RMDN3: variants seen among roughly 807,000 people sequenced by gnomAD.
The protein encoded by RMDN3 is regulator of microtubule dynamics protein 3.
A neutral mutation model predicts 61.8 loss-of-function variants in RMDN3; 41 were observed. That is an observed-to-expected ratio of 0.66 (90% CI 0.52 to 0.86). RMDN3 has a LOEUF of 0.86. Ranked by LOEUF, RMDN3 falls within the 40% of genes least tolerant of loss-of-function variation. The probability of loss-of-function intolerance (pLI) is 0.00; values close to 1 mark genes in which losing one functional copy is unlikely to be tolerated. For missense variants in RMDN3, 557 were observed against 585.3 expected, an observed-to-expected ratio of 0.95 and a Z score of 0.50; for synonymous variants, 247 against 232.0, an observed-to-expected ratio of 1.06 and a Z score of -0.59.
At chr15:40,743,414 G>GT (rs200197164) in intron 6 of RMDN3, among the ~76,000 whole-genome samples, 1 of 88,648 alleles carries the variant, frequency 1.1e-5, no homozygotes, top group African/African-American at 5.0e-5. Context: ...GAGAAAGACT[G>GT]TTTAAAAAAA....
intron 7 of RMDN3, 126 bp from the exon 8 acceptor site, chr15:40,738,702 C>G: frequency 1.2e-6 from 1 of 854,106 alleles, no homozygotes. Flanking sequence ...CTGAAAATAC[C>G]TAATTTTCAT....
At chr15:40,753,533 A>AAAAAG (rs1238942659) in intron 2 of RMDN3, among the ~76,000 whole-genome samples, 1 of 149,300 alleles carries the variant, frequency 6.7e-6, no homozygotes, top group South Asian at 2.1e-4. Context: ...AAAGAAAAGA[A>AAAAAG]AAAAGAAAAG....
intron 3 of RMDN3, 83 bp downstream of exon 3, chr15:40,751,903 G>A: frequency 7.0e-7 from 1 of 1,422,626 alleles, no homozygotes; most frequent in East Asian, 2.3e-5. Flanking sequence ...ATTCTTTAGA[G>A]ACAGACAGCG....
intron 7 of RMDN3, 50 bp downstream of exon 7, chr15:40,740,083 C>G: frequency 8.0e-7 from 1 of 1,257,774 alleles, no homozygotes; most frequent in Non-Finnish European, 1.2e-6. Flanking sequence ...GGGCTGTCCT[C>G]TGCTTTGGCC....
chr15:40,745,106 G>C lies in RMDN3; in HGVS notation c.678C>G (p.Ala226=), dbSNP rs751047815. Residue 226 remains alanine (A), a synonymous_variant, in exon 5 of 13, where the codon GCC becomes GCG. Transcript: ENST00000338376. ...EEEAASGASS[A]LEAGGSSGLE... is the part of the protein sequence containing the mutation. ...AGCCTGAGGAACCTCCAGCCTCCAG[G>C]GCACTGGAGGCACCTGAAGCTGCCT... 1.1e-5 allele frequency: 18 copies of C among 1,613,834 alleles called. No individual in the cohort carries two copies. The African/African-American group carries it at 1.5e-4, about 13-fold the overall frequency.
rs1251101235 is a variant in RMDN3, at chr15:40,738,474, A to C, written c.1047+27T>G. ...TGGGGAATCTGGGATAGGCCAGCAC[A>C]AGGAAGGAGGAAAAGCCTGTCCTCA... On this transcript the variant is annotated intron_variant, in intron 8 of 12. Coordinates refer to ENST00000338376, the MANE Select transcript of RMDN3 (RefSeq NM_018145.3). The C allele has an allele frequency of 1.9e-6, 3 of 1,612,220 alleles. No homozygotes were observed. In the African/African-American group the frequency reaches 4.0e-5, roughly 22 times the overall value.
At position 40,736,305 on chromosome 15, in the gene RMDN3, TAA is replaced by T. The variant is rs1163134589; in HGVS notation, c.*234_*235del. On this transcript the variant is annotated 3_prime_UTR_variant, in exon 13 of 13. Transcript: ENST00000338376. Reference sequence around the variant, plus strand: ...GGGCAGGTGTGAATCTTGATTTTTTTAAGAGATTACTCAAGGGAGAGAACAAC... The same window carrying T: ...GGGCAGGTGTGAATCTTGATTTTTTTGAGATTACTCAAGGGAGAGAACAAC... 1 of 464,294 alleles carries T rather than the reference TAA, an allele frequency of 2.2e-6. No individual in the cohort carries two copies. The highest frequency in any genetic ancestry group is 3.8e-6 in the Non-Finnish European group (1 of 264,752). The allele number at this position is 464,294 out of a possible 1,614,324, so 28.8% of individuals were successfully genotyped here.
In RMDN3 at chr15:40,736,544, G is replaced by A; in HGVS notation, c.1410C>T (p.Asp470=). ...CATGAAGGCCAGTGAAACGTGGTTA[G>A]TCTCGTAAAATGACTTCCAGTTCTT... is the stretch of plus-strand genomic sequence containing the variant. ...DLEELEVILR[D] The change falls in exon 13 of 13, where the codon GAC becomes GAT. Residue 470 remains aspartate, a synonymous_variant. Transcript: ENST00000338376. The A allele has an allele frequency of 1.2e-6, 2 of 1,613,904 alleles. No homozygotes were observed. The highest frequency in any genetic ancestry group is 1.7e-6 in the Non-Finnish European group (2 of 1,179,876).
At chr15:40,746,585 C>T (rs1227126669) in intron 4 of RMDN3, among the ~76,000 whole-genome samples, 1 of 151,434 alleles carries the variant, frequency 6.6e-6, no homozygotes, top group African/African-American at 2.4e-5. Flanking sequence ...AGAGATGACA[C>T]ACCACCTACA....
In RMDN3 at chr15:40,736,427, C is replaced by T. The variant is rs1470573828; in HGVS notation, c.*114G>A. 1.1e-6 allele frequency: 1 copy of T among 904,150 alleles called. No homozygotes were observed. The highest frequency in any genetic ancestry group is 1.8e-6 in the Non-Finnish European group (1 of 557,686). 56.0% of individuals were successfully genotyped at this position (904,150 alleles called of 1,614,324 possible). A position where few individuals can be genotyped will look rare whatever the true frequency, so the allele number is the denominator to read the frequency against. On this transcript the variant is annotated 3_prime_UTR_variant, in exon 13 of 13. Transcript: ENST00000338376. ...GGAGTGGTAGTGGGTAGCAGTCAGA[C>T]CCAGGAGACAGATTTGTGTGGTTTC...
intron 7 of RMDN3, chr15:40,739,340 T>G (rs1897190823): frequency 6.6e-6 from 1 of 152,190 alleles, no homozygotes; most frequent in Non-Finnish European, 1.5e-5. Context: ...ATTTCCATGT[T>G]TAATCCAAAC....
intron 4 of RMDN3, among the ~76,000 whole-genome samples, chr15:40,746,242 G>A (rs1029616578): frequency 5.9e-5 from 9 of 152,232 alleles, no homozygotes; most frequent in South Asian, 2.1e-4. Flanking sequence ...AAGGCTGGGG[G>A]CGGTGGCTCA....
intron 5 of RMDN3, 136 bp from the exon 6 acceptor site, chr15:40,744,285 C>A: frequency 1.4e-6 from 1 of 707,896 alleles, no homozygotes; most frequent in Non-Finnish European, 2.4e-6. Flanking sequence ...CCAGCTCCTA[C>A]ACGCAGCCTT....
At chr15:40,751,920 A>G (rs1846760697) in intron 3 of RMDN3, 66 bp downstream of exon 3, 2 of 1,527,506 alleles carry the variant, frequency 1.3e-6, no homozygotes, top group Non-Finnish European at 1.8e-6. Flanking sequence ...AGCGAAGGCC[A>G]GAACACACCC....
intron 2 of RMDN3, among the ~76,000 whole-genome samples, chr15:40,754,127 C>CTTTTTTTTTT (rs71428308): frequency 2.7e-4 from 34 of 123,838 alleles, no homozygotes; most frequent in African/African-American, 6.3e-4. Context: ...ACCACGACTG[C>CTTTTTTTTTT]TTTTTTTTTT....
intron 4 of RMDN3, among the ~76,000 whole-genome samples, chr15:40,748,369 A>G (rs960231204): frequency 1.3e-5 from 2 of 152,254 alleles, no homozygotes. Context: ...AGCCGGCTCA[A>G]CCACACAGTG....
intron 8 of RMDN3, 63 bp from the exon 9 acceptor site, chr15:40,738,105 G>A: frequency 6.5e-7 from 1 of 1,539,874 alleles, no homozygotes; most frequent in Non-Finnish European, 9.0e-7. Context: ...GAGAGGCAAG[G>A]GCCGGATGCA....
rs1394303042 is a variant in RMDN3, at chr15:40,748,192, C to T, written c.525-2933G>A. ...TACAGCTTTCAGTGAAATCAAGCAG[C>T]CCATCAAATCTCAGCCCTTCATCCC... On this transcript the variant is annotated intron_variant, in intron 4 of 12. Coordinates refer to ENST00000338376, the MANE Select transcript of RMDN3 (RefSeq NM_018145.3). 2.6e-5 allele frequency among the ~76,000 whole-genome samples: 4 copies of T among 152,314 alleles called. No homozygotes were observed. The East Asian group carries it at 7.7e-4, about 29-fold the overall frequency.
At chr15:40,744,937 A>G (rs1897451364) in intron 5 of RMDN3, 40 bp downstream of exon 5, 2 of 1,541,174 alleles carry the variant, frequency 1.3e-6, no homozygotes, top group African/African-American at 2.7e-5. Context: ...AGATGGAGGG[A>G]GGGAGGGAAG....
Sources: gnomAD v4.1 joint callset for allele counts (sites outside exome capture counted in the v4.1 genomes callset) on GRCh38, gnomAD v4.1.1 for gene constraint, MANE v1.5 for transcripts, NCBI Gene and HGNC (gene_info 2026-07-23, HGNC 2026-07-21) for gene names.